TJP2: variants seen among roughly 807,000 people sequenced by gnomAD.
TJP2 encodes the protein tight junction protein 2.
A neutral mutation model predicts 133.1 loss-of-function variants in TJP2; 91 were observed. The ratio of observed to expected loss-of-function variants is 0.68; its 90% CI spans 0.58 to 0.81. The LOEUF is 0.81. Ranked by LOEUF, TJP2 falls within the 40% of genes least tolerant of loss-of-function variation. The pLI, the probability that TJP2 is intolerant of heterozygous loss-of-function variation, is 0.00. For missense variants in TJP2, 1,541 were observed against 1,565.6 expected, an observed-to-expected ratio of 0.98 and a Z score of 0.26; for synonymous variants, 592 against 583.4, an observed-to-expected ratio of 1.01 and a Z score of -0.21.
chr9:69,121,422 C>T (rs1177410584), upstream of TJP2: 4 of 870,836 alleles, frequency 4.6e-6, no homozygotes, highest in Non-Finnish European at 4.1e-6. Flanking sequence ...GGCTCGCCAC[C>T]GCCCAACTCC....
rs113444133 is a variant in TJP2 at position 69,198,419 on chromosome 9, G to A, written c.61-14129G>A. ...GGCCTCCCAAGGTGCTGGGATTACA[G>A]GCGTGAGCCACCATGCCCGGCCACC... On this transcript the variant is annotated intron_variant, in intron 1 of 22. Coordinates refer to ENST00000377245, the MANE Select transcript of TJP2 (RefSeq NM_004817.4). Among the ~76,000 whole-genome samples, 450 of 152,324 alleles carry A rather than the reference G, an allele frequency of 3.0e-3. 5 individuals are homozygous for A. The highest frequency in any genetic ancestry group is 0.011 in the African/African-American group (438 of 41,582).
chr9:69,225,909 A>T, intron 6 of TJP2, 113 bp from the exon 7 acceptor site: 1 of 1,148,998 alleles, frequency 8.7e-7, no homozygotes, highest in Non-Finnish European at 1.3e-6. Context: ...CCTAAAGCCA[A>T]TATCTGTTTG....
intron 1 of TJP2, among the ~76,000 whole-genome samples, chr9:69,137,319 C>CTT (rs1822817494): frequency 6.6e-5 from 4 of 60,782 alleles, no homozygotes; most frequent in Non-Finnish European, 1.5e-4. Flanking sequence ...CTTTTCTTTT[C>CTT]TTTTCTTTTC....
rs183266627 is a variant in TJP2 at position 69,185,279 on chromosome 9, C to G, written c.60+10847C>G. Reference sequence around the variant, plus strand: ...GTTTCACCATGTTGGCCAGGCTGGTCTCGAACTCCTGACCTCAGGTGATCT... The same window carrying G: ...GTTTCACCATGTTGGCCAGGCTGGTGTCGAACTCCTGACCTCAGGTGATCT... On this transcript the variant is annotated intron_variant, in intron 1 of 22. Coordinates refer to ENST00000377245, the MANE Select transcript of TJP2 (RefSeq NM_004817.4). Among the ~76,000 whole-genome samples the G allele has an allele frequency of 5.8e-4, 89 of 152,274 alleles. 2 individuals carry two copies. In the East Asian group the frequency reaches 0.017, roughly 29 times the overall value.
At position 69,140,549 on chromosome 9, in the gene TJP2, C is replaced by T. The variant is rs369219801; in HGVS notation, c.-130-11102C>T. On this transcript the variant is annotated intron_variant, in intron 1 of 5. Coordinates refer to the TJP2 transcript ENST00000423935. ...CTGCTGTATCTCAACACCTCATACC[C>T]GGTATAGTCACTACCAAGTTCCCAG... Among the ~76,000 whole-genome samples the T allele has an allele frequency of 3.3e-5, 5 of 152,146 alleles. No homozygotes were observed. The East Asian group carries it at 9.6e-4, about 29-fold the overall frequency.
intron 2 of TJP2, among the ~76,000 whole-genome samples, chr9:69,168,465 A>G (rs116991912): frequency 0.011 from 1,729 of 152,272 alleles, 16 homozygotes; most frequent in South Asian, 0.04. Flanking sequence ...CCACCCTCAA[A>G]AAAGAAAAAA....
At chr9:69,231,858 C>T (rs563930586) in intron 11 of TJP2, among the ~76,000 whole-genome samples, 2 of 152,322 alleles carry the variant, frequency 1.3e-5, no homozygotes, top group African/African-American at 4.8e-5. Context: ...TTACTCTTTG[C>T]ATATATGCTG....
At chr9:69,191,579 T>C (rs1826206233) in intron 1 of TJP2, among the ~76,000 whole-genome samples, 1 of 152,212 alleles carries the variant, frequency 6.6e-6, no homozygotes, top group Admixed American at 6.5e-5. Context: ...TCAGTCACTG[T>C]TACTCCAGGT....
intron 1 of TJP2, among the ~76,000 whole-genome samples, chr9:69,209,388 C>G (rs1827684335): frequency 6.6e-6 from 1 of 151,752 alleles, no homozygotes; most frequent in Non-Finnish European, 1.5e-5. Context: ...CCTGCCTTGG[C>G]CTCCCAAAGT....
At chr9:69,138,976 G>A (rs113139096) in intron 1 of TJP2, among the ~76,000 whole-genome samples, 2,747 of 151,746 alleles carry the variant, frequency 0.018, 75 homozygotes, top group African/African-American at 0.063. Flanking sequence ...CATTTTGGGA[G>A]GCCAAGGCAG....
At chr9:69,131,612 T>C (rs988148077) in intron 1 of TJP2, among the ~76,000 whole-genome samples, 5 of 152,194 alleles carry the variant, frequency 3.3e-5, no homozygotes, top group Non-Finnish European at 7.3e-5. Context: ...CTGTTGTTAG[T>C]AGAGAGCAAA....
intron 1 of TJP2, among the ~76,000 whole-genome samples, chr9:69,201,693 G>T (rs1460783013): frequency 6.6e-6 from 1 of 152,158 alleles, no homozygotes; most frequent in Admixed American, 6.5e-5. Flanking sequence ...TAGCCAAGAG[G>T]TGAAAGTAAC....
At chr9:69,172,396 A>G (rs1824737974), upstream of TJP2, among the ~76,000 whole-genome samples, 1 of 152,226 alleles carries the variant, frequency 6.6e-6, no homozygotes, top group Non-Finnish European at 1.5e-5. Context: ...TGCACTGTCC[A>G]ATAGGGTAGC....
chr9:69,223,363 A>G (rs1419959798), intron 5 of TJP2, among the ~76,000 whole-genome samples: 2 of 152,118 alleles, frequency 1.3e-5, no homozygotes, highest in African/African-American at 4.8e-5. Flanking sequence ...GGTGGAGTGC[A>G]GTGGCGCGAT....
intron 5 of TJP2, among the ~76,000 whole-genome samples, chr9:69,223,953 A>G (rs1183055025): frequency 6.6e-6 from 1 of 152,256 alleles, no homozygotes; most frequent in Admixed American, 6.5e-5. Flanking sequence ...AGTTTGAACA[A>G]TAATAAAAAA....
In TJP2 at chr9:69,240,029, C is replaced by G. The variant is rs1830476006; in HGVS notation, c.2448C>G (p.Asp816Glu). 2 of 1,613,876 alleles carry G rather than the reference C, an allele frequency of 1.2e-6. No individual in the cohort carries two copies. The highest frequency in any genetic ancestry group is 1.7e-5 in the Admixed American group (1 of 59,992). ...CAATTGTGATTTTTTTCAACCCAGA[C>G]TCCAGACAAGGTGTCAAAACCATGA... ...WFPIVIFFNP[D>E]SRQGVKTMRQ... The change falls in exon 17 of 23, where the codon GAC (aspartate) becomes GAG (glutamate). Residue 816 changes from aspartate (D) to glutamate (E), a missense_variant. By Grantham distance (45) the Asp-to-Glu change is conservative. Transcript: ENST00000377245.
At chr9:69,174,454 G>C (rs1246197145) in intron 1 of TJP2, 22 bp downstream of exon 1, 1 of 1,545,870 alleles carries the variant, frequency 6.5e-7, no homozygotes. Context: ...CTTGTGCCGC[G>C]CGGTTGGGAG....
intron 1 of TJP2, among the ~76,000 whole-genome samples, chr9:69,174,731 G>T (rs1824935689): frequency 6.6e-6 from 1 of 151,892 alleles, no homozygotes; most frequent in African/African-American, 2.4e-5. Flanking sequence ...TGGCTTGGAG[G>T]CATCTCGTGT....
At chr9:69,252,756 G>A in intron 21 of TJP2, 59 bp from the exon 22 acceptor site, 1 of 1,511,380 alleles carries the variant, frequency 6.6e-7, no homozygotes. Flanking sequence ...AAACCAGCAA[G>A]CAGAGTGCCC....
Sources: gnomAD v4.1 joint callset for allele counts (sites outside exome capture counted in the v4.1 genomes callset) on GRCh38, gnomAD v4.1.1 for gene constraint, MANE v1.5 for transcripts, NCBI Gene and HGNC (gene_info 2026-07-23, HGNC 2026-07-21) for gene names.